The following CDH12 variants were observed in gnomAD, a reference collection of about 807,000 sequenced individuals.
The protein encoded by CDH12 is cadherin-12.
Under a neutral mutation model 74.1 loss-of-function variants are expected in CDH12, and 41 were observed. That is an observed-to-expected ratio of 0.55 (90% confidence interval 0.43 to 0.72). The LOEUF is 0.72. Ranked by LOEUF, CDH12 falls within the 30% of genes least tolerant of loss-of-function variation. The pLI is 0.00. For missense variants in CDH12, 945 were observed against 977.2 expected (o/e 0.97, Z 0.44); for synonymous variants, 399 against 355.0 (o/e 1.12, Z -1.39).
chr5:21,860,016 A>T (rs1378695872), intron 6 of CDH12, among the ~76,000 whole-genome samples: 1 of 147,820 alleles, frequency 6.8e-6, no homozygotes, highest in Non-Finnish European at 1.5e-5. Context: ...TCCACCAGGT[A>T]AAAAAAAAAC....
intron 2 of CDH12, among the ~76,000 whole-genome samples, chr5:22,464,194 GCTC>G (rs1165103874): frequency 6.6e-6 from 1 of 152,120 alleles, no homozygotes; most frequent in African/African-American, 2.4e-5. Flanking sequence ...GAGGTGACTG[GCTC>G]CTCCTTGCCT....
intron 2 of CDH12, among the ~76,000 whole-genome samples, chr5:22,424,738 A>G (rs1195897326): frequency 6.6e-6 from 1 of 152,024 alleles, no homozygotes; most frequent in East Asian, 1.9e-4. Flanking sequence ...GCTCTACCTT[A>G]TATAGTCTTA....
chr5:22,129,920 A>G (rs1046820390), intron 4 of CDH12, among the ~76,000 whole-genome samples: 2 of 152,130 alleles, frequency 1.3e-5, no homozygotes, highest in Admixed American at 6.6e-5. Context: ...AAAACACATT[A>G]AAAAATCCTA....
intron 1 of CDH12, among the ~76,000 whole-genome samples, chr5:22,715,134 A>G (rs530361374): frequency 5.3e-5 from 8 of 152,206 alleles, no homozygotes; most frequent in Admixed American, 3.3e-4. Context: ...ACAGGCACTC[A>G]ATGCTTGTCA....
chr5:22,011,136 A>G (rs1250156032), intron 5 of CDH12, among the ~76,000 whole-genome samples: 1 of 152,108 alleles, frequency 6.6e-6, no homozygotes, highest in East Asian at 1.9e-4. Flanking sequence ...TGGAGAGGTT[A>G]GTGAAAATAA....
Position 22,104,582 on chromosome 5 carries a change from C to A in CDH12, c.-186-25720G>T, listed in dbSNP as rs193161416. ...CTAAGAATTTACAATAGGATATCTA[C>A]CCCAATCTGTTCAGGAACGTGTGCA... On this transcript the variant is annotated intron_variant, in intron 4 of 14. Transcript: ENST00000382254. 3.1e-3 allele frequency among the ~76,000 whole-genome samples: 468 copies of A among 152,192 alleles called. 8 individuals are homozygous for A. The highest frequency in any genetic ancestry group is 0.011 in the African/African-American group (441 of 41,554).
chr5:21,880,977 T>C (rs572286581), intron 6 of CDH12, among the ~76,000 whole-genome samples: 44 of 152,162 alleles, frequency 2.9e-4, no homozygotes, highest in African/African-American at 1.0e-3. Context: ...TCTAAAGTTA[T>C]ATATTTAATG....
intron 1 of CDH12, among the ~76,000 whole-genome samples, chr5:22,630,284 A>G (rs541887913): frequency 2.6e-4 from 40 of 152,210 alleles, no homozygotes; most frequent in African/African-American, 9.6e-4. Context: ...TATGGAACCA[A>G]AAAAGGGCCC....
intron 1 of CDH12, among the ~76,000 whole-genome samples, chr5:22,800,014 A>C (rs1561039842): frequency 6.6e-6 from 1 of 152,220 alleles, no homozygotes; most frequent in Non-Finnish European, 1.5e-5. Context: ...TACAGCACAT[A>C]CAAGGGCATT....
intron 5 of CDH12, among the ~76,000 whole-genome samples, chr5:21,990,177 A>G (rs1226918644): frequency 1.3e-5 from 2 of 152,186 alleles, no homozygotes; most frequent in African/African-American, 4.8e-5. Context: ...CACCAGATCA[A>G]ACACAGATCA....
intron 3 of CDH12, among the ~76,000 whole-genome samples, chr5:22,360,716 A>G (rs1740764607): frequency 6.6e-6 from 1 of 152,212 alleles, no homozygotes; most frequent in Admixed American, 6.6e-5. Flanking sequence ...GCAGCATGTC[A>G]AAAAGCTTAT....
chr5:22,541,113 G>C (rs980039), intron 1 of CDH12, among the ~76,000 whole-genome samples: 22,163 of 152,116 alleles, frequency 0.15, 1,719 homozygotes, highest in South Asian at 0.21. Flanking sequence ...CTATGTAAGA[G>C]TCATTTCTTT....
rs554633976 is a variant in CDH12 at position 22,342,884 on chromosome 5, T to A, written c.-333+62373A>T. 2.4e-4 allele frequency among the ~76,000 whole-genome samples: 37 copies of A among 151,686 alleles called. 1 individual carries two copies. Among genetic ancestry groups the A allele is most frequent in the South Asian group, 8.4e-4 (4 of 4,768 alleles). On this transcript the variant is annotated intron_variant, in intron 3 of 14. Transcript: ENST00000382254. The stretch of plus-strand genomic sequence containing the variant: ...TGTCTGTCTTGATGGAGTCTCACTC[T>A]GTTGCCCAGGCTGGATTGCAGTGGC...
chr5:22,146,424 A>C (rs551596127), intron 4 of CDH12, among the ~76,000 whole-genome samples: 7 of 152,250 alleles, frequency 4.6e-5, no homozygotes, highest in South Asian at 2.1e-4. Flanking sequence ...TTAACAACAG[A>C]CTGAATAAAT....
At chr5:22,586,168 T>G (rs941799481) in intron 1 of CDH12, among the ~76,000 whole-genome samples, 5 of 152,050 alleles carry the variant, frequency 3.3e-5, no homozygotes, top group South Asian at 2.1e-4. Flanking sequence ...CCATAAAAAA[T>G]GATGAGTTCA....
At chr5:22,057,044 T>G (rs2150200590) in intron 5 of CDH12, among the ~76,000 whole-genome samples, 1 of 152,324 alleles carries the variant, frequency 6.6e-6, no homozygotes, top group South Asian at 2.1e-4. Context: ...GTTGTGTCAC[T>G]TGTAATTGTC....
At chr5:22,634,871 A>G (rs1738759165) in intron 1 of CDH12, among the ~76,000 whole-genome samples, 1 of 152,158 alleles carries the variant, frequency 6.6e-6, no homozygotes, top group Non-Finnish European at 1.5e-5. Flanking sequence ...GTAAATCTAA[A>G]GTTGTCTCTT....
intron 3 of CDH12, among the ~76,000 whole-genome samples, chr5:22,254,807 A>T (rs1396570014): frequency 6.6e-6 from 1 of 151,908 alleles, no homozygotes; most frequent in South Asian, 2.1e-4. Flanking sequence ...ATATTTTGAT[A>T]CAAACATACC....
At chr5:22,522,195 AGTATGGTATTAAT>A (rs1737084210) in intron 1 of CDH12, among the ~76,000 whole-genome samples, 1 of 152,232 alleles carries the variant, frequency 6.6e-6, no homozygotes, top group Non-Finnish European at 1.5e-5. Flanking sequence ...AACTATAGTT[AGTATGGTATTAAT>A]GCACATATTA....
Sources: gnomAD v4.1 joint callset for allele counts (sites outside exome capture counted in the v4.1 genomes callset) on GRCh38, gnomAD v4.1.1 for gene constraint, MANE v1.5 for transcripts, NCBI Gene and HGNC (gene_info 2026-07-23, HGNC 2026-07-21) for gene names.